The following SPRING1 variants were observed in gnomAD, a reference collection of about 807,000 sequenced individuals.
The protein encoded by SPRING1 is SREBP regulating gene protein.
In SPRING1, 14 loss-of-function variants were observed where a neutral mutation model predicts 24.7. The observed-to-expected ratio is 0.57, with a 90% CI of 0.37 to 0.88. The LOEUF is 0.88. Among genes scored for constraint, SPRING1 ranks in the 40% least tolerant of loss-of-function variants. SPRING1 has a pLI of 0.00. For missense variants in SPRING1, 255 were observed against 268.4 expected, an observed-to-expected ratio of 0.95 and a Z score of 0.35; for synonymous variants, 93 against 106.1, an observed-to-expected ratio of 0.88 and a Z score of 0.76.
At chr12:116,726,585 G>A (rs1290017136) in intron 1 of SPRING1, among the ~76,000 whole-genome samples, 1 of 152,102 alleles carries the variant, frequency 6.6e-6, no homozygotes, top group Non-Finnish European at 1.5e-5. Context: ...CAGGAGCCCT[G>A]GGAGTATGGG....
In SPRING1 at chr12:116,711,027, A is replaced by ACACACG. The variant is rs1398263460; in HGVS notation, c.*6782_*6783insCGTGTG. The stretch of plus-strand genomic sequence containing the variant: ...TTGTTACACACACACACACACACAC[A>ACACACG]CGCACACACAGAGCCAATGTATGGA... On this transcript the variant is annotated 3_prime_UTR_variant, in exon 5 of 5. Transcript: ENST00000261318. The ACACACG allele has an allele frequency of 6.7e-6, 1 of 148,948 alleles. No individual in the cohort carries two copies. The highest frequency in any genetic ancestry group is 2.5e-5 in the African/African-American group (1 of 39,890). The allele number at this position is 148,948 out of a possible 1,614,324, so 9.2% of individuals were successfully genotyped here.
intron 1 of SPRING1, among the ~76,000 whole-genome samples, chr12:116,725,687 C>T (rs1456319128): frequency 1.3e-5 from 2 of 152,064 alleles, no homozygotes; most frequent in Non-Finnish European, 1.5e-5. Flanking sequence ...AGATCGAGAC[C>T]ATCCTGGCTA....
rs138930670 is a variant in SPRING1, at chr12:116,720,146, A to T, written c.420+150T>A. ...TGGGAACCACCTCCTTTCCTTAGAT[A>T]AAAGCTATTGTGCAGCAATTTCTGA... On this transcript the variant is annotated intron_variant, in intron 3 of 4. Coordinates refer to ENST00000261318, the MANE Select transcript of SPRING1 (RefSeq NM_024738.4). This position sits in a 1 kb window ranked among gnomAD's most constrained non-coding sequence, Gnocchi z 4.0. 770 of 1,053,262 alleles carry T rather than the reference A, an allele frequency of 7.3e-4. 5 individuals are homozygous for T. The African/African-American group carries it at 0.01, about 14-fold the overall frequency. The allele number at this position is 1,053,262 out of a possible 1,614,324, so 65.2% of individuals were successfully genotyped here. A position where few individuals can be genotyped will look rare whatever the true frequency, so the allele number is the denominator to read the frequency against.
Position 116,716,700 on chromosome 12 carries a change from G to GT in SPRING1, c.*1109dup, listed in dbSNP as rs1342146816. 1.3e-5 allele frequency: 2 copies of GT among 152,228 alleles called. No homozygotes were observed. The highest frequency in any genetic ancestry group is 2.9e-5 in the Non-Finnish European group (2 of 68,036). The allele number at this position is 152,228 out of a possible 1,614,324, so 9.4% of individuals were successfully genotyped here. ...TTCTCATCTCCCACTGAGGGCAGGT[G>GT]TAAGACTCTTCTCTTGCAGTGCTCT... On this transcript the variant is annotated 3_prime_UTR_variant, in exon 5 of 5. Transcript: ENST00000261318.
rs1869917377 is a variant in SPRING1 at position 116,712,533 on chromosome 12, G to A, written c.*5277C>T. On this transcript the variant is annotated 3_prime_UTR_variant, in exon 5 of 5. Coordinates refer to ENST00000261318, the MANE Select transcript of SPRING1 (RefSeq NM_024738.4). The stretch of plus-strand genomic sequence containing the variant: ...TGCCCAACGAACGATAGACTAACAG[G>A]CCAGAGGCGGGGAAAGCTTCTCGGA... 6.6e-6 allele frequency: 1 copy of A among 152,158 alleles called. No homozygotes were observed. Among genetic ancestry groups the A allele is most frequent in the Admixed American group, 6.5e-5 (1 of 15,272 alleles). 9.4% of individuals were successfully genotyped at this position (152,158 alleles called of 1,614,324 possible). A position where few individuals can be genotyped will look rare whatever the true frequency, so the allele number is the denominator to read the frequency against.
In SPRING1 at chr12:116,738,067, G is replaced by A. The variant is rs993754645; in HGVS notation, c.-167C>T. Reference sequence around the variant, plus strand: ...GGCAGCCTTGGGCGCAGCCCCACGTGACCCCGCCCTACGCCCCGCCTCCGC... The same window carrying A: ...GGCAGCCTTGGGCGCAGCCCCACGTAACCCCGCCCTACGCCCCGCCTCCGC... On this transcript the variant is annotated 5_prime_UTR_variant, in exon 1 of 5. Transcript: ENST00000261318. 1.8e-5 allele frequency: 19 copies of A among 1,076,078 alleles called. No homozygotes were observed. Among genetic ancestry groups the A allele is most frequent in the South Asian group, 4.5e-5 (1 of 22,336 alleles). The allele number at this position is 1,076,078 out of a possible 1,614,324, so 66.7% of individuals were successfully genotyped here. A position where few individuals can be genotyped will look rare whatever the true frequency, so the allele number is the denominator to read the frequency against.
chr12:116,719,678 C>G, intron 4 of SPRING1, 85 bp downstream of exon 4: 1 of 1,161,802 alleles, frequency 8.6e-7, no homozygotes, highest in South Asian at 1.3e-5. Context: ...ACCACCCCAC[C>G]AAAAGGATCG....
rs756942210 is a variant in SPRING1, at chr12:116,720,300, T to C, written c.416A>G (p.Asn139Ser). ...ACCAGGATCAACTCCCCATACCTTGTTGGGCTGCAGGCAGCAGGAGACACA... is the reference window on the plus strand; with the variant it reads ...ACCAGGATCAACTCCCCATACCTTGCTGGGCTGCAGGCAGCAGGAGACACA... ...EYCVSCCLQP[N>S]KQLLLERFLN... Residue 139 changes from asparagine (N) to serine (S), a missense_variant, in exon 3 of 5, where the codon AAC becomes AGC. Asn to Ser is a conservative substitution (Grantham distance 46). Transcript: ENST00000261318. The surrounding 1 kb of genome is among the most constrained non-coding windows in gnomAD (Gnocchi z 4.0). The C allele has an allele frequency of 2.5e-6, 4 of 1,608,398 alleles. No individual in the cohort carries two copies. Among genetic ancestry groups the C allele is most frequent in the Non-Finnish European group, 3.4e-6 (4 of 1,178,278 alleles).
chr12:116,719,364 C>G (rs1163614420), intron 4 of SPRING1, among the ~76,000 whole-genome samples: 1 of 152,152 alleles, frequency 6.6e-6, no homozygotes, highest in Non-Finnish European at 1.5e-5. Flanking sequence ...GACTCCATCC[C>G]AGAACAAATT....
At position 116,723,633 on chromosome 12, in the gene SPRING1, C is replaced by G. The variant is rs116333889; in HGVS notation, c.112-410G>C. Reference sequence around the variant, plus strand: ...AAATGTGAATACACTTTTTAAAGAGCAGAAGAAACTTTCGTGACTCTCATC... The same window carrying G: ...AAATGTGAATACACTTTTTAAAGAGGAGAAGAAACTTTCGTGACTCTCATC... On this transcript the variant is annotated intron_variant, in intron 1 of 4. Coordinates refer to ENST00000261318, the MANE Select transcript of SPRING1 (RefSeq NM_024738.4). 7.3e-3 allele frequency among the ~76,000 whole-genome samples: 1,115 copies of G among 152,262 alleles called. 16 individuals are homozygous for G. Among genetic ancestry groups the G allele is most frequent in the African/African-American group, 0.025 (1,048 of 41,536 alleles).
Position 116,716,428 on chromosome 12 carries a change from T to C in SPRING1, c.*1382A>G, listed in dbSNP as rs1870133895. 6.6e-6 allele frequency: 1 copy of C among 152,400 alleles called. No individual in the cohort carries two copies. The highest frequency in any genetic ancestry group is 1.5e-5 in the Non-Finnish European group (1 of 68,012). 9.4% of individuals were successfully genotyped at this position (152,400 alleles called of 1,614,324 possible). A position where few individuals can be genotyped will look rare whatever the true frequency, so the allele number is the denominator to read the frequency against. On this transcript the variant is annotated 3_prime_UTR_variant, in exon 5 of 5. Transcript: ENST00000261318. ...AGGTCAATAAAGTGAACCAAAAAAA[T>C]TACAAAGACCTTGCTCAATCCTGAG... is the stretch of plus-strand genomic sequence containing the variant.
intron 1 of SPRING1, among the ~76,000 whole-genome samples, chr12:116,726,320 T>C (rs1423777683): frequency 1.3e-5 from 2 of 152,254 alleles, no homozygotes; most frequent in Non-Finnish European, 2.9e-5. Context: ...TGCCAAATAA[T>C]GTCCCACATT....
At position 116,732,370 on chromosome 12, in the gene SPRING1, G is replaced by A. The variant is rs143952589; in HGVS notation, c.111+5420C>T. ...GCGGGTGGATTGTTTAAGCTCAGGG[G>A]TTCAATACCAGCCTGAGCAACCTAG... is the stretch of plus-strand genomic sequence containing the variant. On this transcript the variant is annotated intron_variant, in intron 1 of 4. Transcript: ENST00000261318. 9.6e-3 allele frequency among the ~76,000 whole-genome samples: 1,463 copies of A among 152,192 alleles called. 12 individuals are homozygous for A. Among genetic ancestry groups the A allele is most frequent in the Middle Eastern group, 0.017 (5 of 294 alleles).
chr12:116,737,887 G>A lies in SPRING1; in HGVS notation c.14C>T (p.Ala5Val). Residue 5 changes from alanine to valine, a missense_variant, in exon 1 of 5, where the codon GCG becomes GTG. Coordinates refer to ENST00000261318, the MANE Select transcript of SPRING1 (RefSeq NM_024738.4). ...CAGAAGCCGGCGCCACACCATGGCC[G>A]CCAGGTTCACCATCCCGGCGCGGAC... MVNLAAMVWRRLLRK... is the reference protein window; with the variant it reads MVNLVAMVWRRLLRK... 1.3e-6 allele frequency: 2 copies of A among 1,563,002 alleles called. No individual in the cohort carries two copies. The highest frequency in any genetic ancestry group is 8.6e-7 in the Non-Finnish European group (1 of 1,156,336).
intron 1 of SPRING1, among the ~76,000 whole-genome samples, chr12:116,732,077 C>T (rs979326119): frequency 1.3e-5 from 2 of 152,134 alleles, no homozygotes; most frequent in Non-Finnish European, 2.9e-5. Flanking sequence ...AACTACTACC[C>T]CAGGAGATCA....
At position 116,720,200 on chromosome 12, in the gene SPRING1, T is replaced by C; in HGVS notation, c.420+96A>G. On this transcript the variant is annotated intron_variant, in intron 3 of 4. Coordinates refer to ENST00000261318, the MANE Select transcript of SPRING1 (RefSeq NM_024738.4). This position sits in a 1 kb window ranked among gnomAD's most constrained non-coding sequence, Gnocchi z 4.0. ...CTACAAAGCTCCTTTCTAAGTTTTA[T>C]TTTCAGAGGAATCTCACATGAAGAG... The C allele has an allele frequency of 7.0e-7, 1 of 1,420,334 alleles. No homozygotes were observed. Among genetic ancestry groups the C allele is most frequent in the African/African-American group, 1.4e-5 (1 of 69,748 alleles). 88.0% of individuals were successfully genotyped at this position (1,420,334 alleles called of 1,614,324 possible).
intron 1 of SPRING1, among the ~76,000 whole-genome samples, chr12:116,734,366 G>T (rs1001983014): frequency 6.6e-6 from 1 of 152,152 alleles, no homozygotes; most frequent in African/African-American, 2.4e-5. Context: ...ATCACCTAAA[G>T]ATGCATTTTT....
chr12:116,724,455 C>A (rs1870587684), intron 1 of SPRING1, among the ~76,000 whole-genome samples: 1 of 152,056 alleles, frequency 6.6e-6, no homozygotes, highest in African/African-American at 2.4e-5. Flanking sequence ...GTGGCTCATG[C>A]CTGTAATCCC....
In SPRING1 at chr12:116,713,564, T is replaced by C. The variant is rs533800577; in HGVS notation, c.*4246A>G. ...AATGGACACTTCCATACACACTAGG[T>C]GAATATATTGGTGAAAATAGTTCAG... On this transcript the variant is annotated 3_prime_UTR_variant, in exon 5 of 5. Coordinates refer to ENST00000261318, the MANE Select transcript of SPRING1 (RefSeq NM_024738.4). 5 of 152,344 alleles carry C rather than the reference T, an allele frequency of 3.3e-5. No individual in the cohort carries two copies. The South Asian group carries it at 1.0e-3, about 32-fold the overall frequency. 9.4% of individuals were successfully genotyped at this position (152,344 alleles called of 1,614,324 possible).
Sources: allele counts gnomAD v4.1 joint callset (sites outside exome capture counted in the v4.1 genomes callset), GRCh38; gene constraint gnomAD v4.1.1; non-coding constraint Gnocchi (gnomAD v3.1); transcripts MANE v1.5; gene names NCBI Gene and HGNC (gene_info 2026-07-23, HGNC 2026-07-21).